The following EPHA7 variants were observed in gnomAD, a reference collection of about 807,000 sequenced individuals.
EPHA7 encodes EPH receptor A7.
In EPHA7, 25 loss-of-function variants were observed where a neutral mutation model predicts 112.6. The observed-to-expected ratio is 0.22, with a 90% confidence interval of 0.16 to 0.31. EPHA7 has a LOEUF of 0.31. Ranked by LOEUF, EPHA7 falls within the 10% of genes least tolerant of loss-of-function variation. The pLI is 1.00. For synonymous variants in EPHA7, 437 were observed against 406.5 expected, an observed-to-expected ratio of 1.07 and a Z score of -0.90; for missense variants, 962 against 1,212.6, an observed-to-expected ratio of 0.79 and a Z score of 3.07.
In EPHA7 at chr6:93,382,422, T is replaced by C. The variant is rs1777382738; in HGVS notation, c.833-24011A>G. Among the ~76,000 whole-genome samples, 3 of 152,114 alleles carry C rather than the reference T, an allele frequency of 2.0e-5. No homozygotes were observed. The South Asian group carries it at 6.2e-4, about 31-fold the overall frequency. ...ACAGGAAAAGGAGCGCAAGCGCAGG[T>C]GGTAATGAACCTGCCTGCCCCGCAC... On this transcript the variant is annotated intron_variant, in intron 3 of 16. Transcript: ENST00000369303.
chr6:93,311,543 C>A (rs559871051), intron 5 of EPHA7, among the ~76,000 whole-genome samples: 90 of 152,188 alleles, frequency 5.9e-4, no homozygotes, highest in African/African-American at 2.1e-3. Context: ...AATTCTAGTT[C>A]TCTTGCAATT....
chr6:93,286,371 T>C (rs766827270), intron 5 of EPHA7, among the ~76,000 whole-genome samples: 8 of 152,204 alleles, frequency 5.3e-5, no homozygotes, highest in Non-Finnish European at 1.0e-4. Flanking sequence ...AAGTTTCCAG[T>C]AAGCTATGGA....
chr6:93,320,140 A>G (rs1773995986), intron 5 of EPHA7, among the ~76,000 whole-genome samples: 2 of 152,020 alleles, frequency 1.3e-5, no homozygotes, highest in African/African-American at 2.4e-5. Context: ...AGGAGAAATC[A>G]CTGATCCATT....
At chr6:93,258,054 G>T in intron 11 of EPHA7, 45 bp downstream of exon 11, 1 of 1,527,026 alleles carries the variant, frequency 6.5e-7, no homozygotes, top group Non-Finnish European at 9.0e-7. Flanking sequence ...ACTAATTTCT[G>T]ACACTCAGTC....
intron 5 of EPHA7, among the ~76,000 whole-genome samples, chr6:93,289,002 T>C (rs898260194): frequency 6.6e-6 from 1 of 152,200 alleles, no homozygotes; most frequent in Non-Finnish European, 1.5e-5. Context: ...TATCACAGCA[T>C]GCAACTTTAG....
intron 3 of EPHA7, among the ~76,000 whole-genome samples, chr6:93,389,715 T>C (rs1777808070): frequency 6.6e-6 from 1 of 151,968 alleles, no homozygotes; most frequent in African/African-American, 2.4e-5. Flanking sequence ...GAATACTTAA[T>C]TTCACCCTTC....
chr6:93,245,532 G>A (rs1371947396), intron 15 of EPHA7, 79 bp from the exon 16 acceptor site: 3 of 1,433,314 alleles, frequency 2.1e-6, no homozygotes, highest in Non-Finnish European at 1.9e-6. Flanking sequence ...ATAAAATTAA[G>A]GTATAAAGAA....
rs556477273 is a variant in EPHA7, at chr6:93,346,012, A to G, written c.1324+10705T>C. ...ACAACTAAATGCTTGTCCAAATTTA[A>G]AGACAATCTCCTATCTTTCACCTAC... On this transcript the variant is annotated intron_variant, in intron 5 of 16. Transcript: ENST00000369303. Among the ~76,000 whole-genome samples, 3 of 151,848 alleles carry G rather than the reference A, an allele frequency of 2.0e-5. 1 individual carries two copies. Among genetic ancestry groups the G allele is most frequent in the African/African-American group, 7.2e-5 (3 of 41,510 alleles).
In EPHA7 at chr6:93,370,563, G is replaced by C. The variant is rs188182410; in HGVS notation, c.833-12152C>G. ...TCTTTTAAATATTTAAACAATTGTA[G>C]AGTAAGCAAAAACACTGATTTAAAA... On this transcript the variant is annotated intron_variant, in intron 3 of 16. Transcript: ENST00000369303. Among the ~76,000 whole-genome samples, 23 of 152,064 alleles carry C rather than the reference G, an allele frequency of 1.5e-4. No homozygotes were observed. The East Asian group carries it at 2.7e-3, about 18-fold the overall frequency.
At chr6:93,374,548 G>C (rs1755407177) in intron 3 of EPHA7, among the ~76,000 whole-genome samples, 1 of 152,088 alleles carries the variant, frequency 6.6e-6, no homozygotes, top group South Asian at 2.1e-4. Context: ...AATATGTTGT[G>C]GTTTTATGTA....
At chr6:93,309,015 C>A (rs1240346850) in intron 5 of EPHA7, among the ~76,000 whole-genome samples, 1 of 151,548 alleles carries the variant, frequency 6.6e-6, no homozygotes, top group Non-Finnish European at 1.5e-5. Context: ...ATGGCATGAT[C>A]TCCGCTCACT....
At chr6:93,291,421 T>C (rs1772356640) in intron 5 of EPHA7, among the ~76,000 whole-genome samples, 1 of 152,134 alleles carries the variant, frequency 6.6e-6, no homozygotes, top group South Asian at 2.1e-4. Flanking sequence ...AAATAAAATA[T>C]TTGACAAAAG....
At chr6:93,269,397 TG>T in intron 7 of EPHA7, 79 bp downstream of exon 7, 1 of 1,135,776 alleles carries the variant, frequency 8.8e-7, no homozygotes, top group Non-Finnish European at 1.2e-6. Flanking sequence ...ATGGTGCAAA[TG>T]ATCACCTCAA....
intron 3 of EPHA7, among the ~76,000 whole-genome samples, chr6:93,364,936 AGAG>A (rs1467029865): frequency 6.6e-6 from 1 of 152,184 alleles, no homozygotes; most frequent in Admixed American, 6.5e-5. Context: ...GCTTATATTT[AGAG>A]GAGATTTTTG....
At chr6:93,264,484 G>T in intron 8 of EPHA7, 110 bp downstream of exon 8, 1 of 576,088 alleles carries the variant, frequency 1.7e-6, no homozygotes, top group Non-Finnish European at 3.0e-6. Flanking sequence ...TTATATCAAA[G>T]AATGTTTGCA....
At chr6:93,416,211 G>A (rs1779215084) in intron 1 of EPHA7, among the ~76,000 whole-genome samples, 1 of 152,082 alleles carries the variant, frequency 6.6e-6, no homozygotes, top group African/African-American at 2.4e-5. Flanking sequence ...TTGGACTAGC[G>A]AATTTATATA....
intron 4 of EPHA7, 21 bp from the exon 5 acceptor site, chr6:93,357,073 T>A: frequency 2.0e-6 from 3 of 1,534,940 alleles, no homozygotes; most frequent in Non-Finnish European, 1.8e-6. Context: ...CAAGAATAAA[T>A]AAGTAAATAA....
chr6:93,288,769 G>T (rs1772202861), intron 5 of EPHA7, among the ~76,000 whole-genome samples: 1 of 152,124 alleles, frequency 6.6e-6, no homozygotes, highest in African/African-American at 2.4e-5. Context: ...CATTCTGACT[G>T]TTCTTTTCTT....
intron 3 of EPHA7, among the ~76,000 whole-genome samples, chr6:93,393,882 T>C (rs995296902): frequency 4.0e-5 from 6 of 151,812 alleles, no homozygotes; most frequent in Non-Finnish European, 8.8e-5. Flanking sequence ...AAAAAGTCCA[T>C]CACAAATTAA....
Sources: allele counts gnomAD v4.1 joint callset (sites outside exome capture counted in the v4.1 genomes callset), GRCh38; gene constraint gnomAD v4.1.1; transcripts MANE v1.5; gene names NCBI Gene and HGNC (gene_info 2026-07-23, HGNC 2026-07-21).